PALM2AKAP2: variants seen among roughly 807,000 people sequenced by gnomAD.
PALM2AKAP2 encodes PALM2 and AKAP2 fusion, also known as PALM2-AKAP2 fusion protein.
A neutral mutation model predicts 71.5 loss-of-function variants in PALM2AKAP2; 37 were observed. That is an observed-to-expected ratio of 0.52 (90% CI 0.40 to 0.68). The LOEUF is 0.68. PALM2AKAP2 is among the 30% of genes least tolerant of loss of function. PALM2AKAP2 has a pLI of 0.00. For missense variants in PALM2AKAP2, 1,224 were observed against 1,191.8 expected (o/e 1.03, Z -0.40); for synonymous variants, 468 against 478.8 (o/e 0.98, Z 0.29).
At chr9:110,027,874 T>C (rs561444913) in intron 7 of PALM2AKAP2, among the ~76,000 whole-genome samples, 158 of 152,316 alleles carry the variant, frequency 1.0e-3, no homozygotes, top group African/African-American at 3.5e-3. Flanking sequence ...CCCTTTGTAT[T>C]TGATGATGAC....
At chr9:109,731,886 G>A (rs1828561332) in intron 1 of PALM2AKAP2, among the ~76,000 whole-genome samples, 1 of 152,168 alleles carries the variant, frequency 6.6e-6, no homozygotes, top group Admixed American at 6.5e-5. Flanking sequence ...GTTTTGGCCT[G>A]AGATGCTTAT....
At chr9:109,932,018 C>G in exon 6 of PALM2AKAP2, 6 of 1,612,766 alleles carry the variant, frequency 3.7e-6, no homozygotes, top group Non-Finnish European at 5.1e-6. Context: ...ACGGGACCAG[C>G]AGAGCGGCTG....
chr9:109,918,990 T>C (rs980154911), intron 3 of PALM2AKAP2, among the ~76,000 whole-genome samples: 1 of 152,228 alleles, frequency 6.6e-6, no homozygotes, highest in Admixed American at 6.5e-5. Context: ...TTGAAACCCA[T>C]AGGGCCAGGG....
At chr9:109,903,570 A>G (rs1184274079) in intron 3 of PALM2AKAP2, among the ~76,000 whole-genome samples, 1 of 152,198 alleles carries the variant, frequency 6.6e-6, no homozygotes, top group Non-Finnish European at 1.5e-5. Context: ...CTTTGAAAAC[A>G]ACAAGGGAAC....
intron 1 of PALM2AKAP2, among the ~76,000 whole-genome samples, chr9:109,712,317 C>T (rs1161947449): frequency 6.6e-6 from 1 of 152,168 alleles, no homozygotes; most frequent in African/African-American, 2.4e-5. Context: ...AGAAGATTAA[C>T]CTCAGAGCTT....
rs564029088 is a variant in PALM2AKAP2, at chr9:110,153,430, A to C, written c.2570-2889A>C. Among the ~76,000 whole-genome samples the C allele has an allele frequency of 2.0e-5, 3 of 152,318 alleles. No individual in the cohort carries two copies. In the South Asian group the frequency reaches 6.2e-4, roughly 32 times the overall value. ...CAAATGACATGAAGCCTACAAAAGA[A>C]GTGGTATATAAATCCGCTTGTTACT... On this transcript the variant is annotated intron_variant, in intron 2 of 3. Transcript: ENST00000374525.
In PALM2AKAP2 at chr9:109,930,472, C is replaced by T. The variant is rs138985079; in HGVS notation, c.395-1455C>T. On this transcript the variant is annotated intron_variant, in intron 5 of 9. Transcript: ENST00000302798. The stretch of plus-strand genomic sequence containing the variant: ...AGCTCCTGACCTCAGGTGATCCACC[C>T]GCCTTGGTCTCCCAAAGTGCTGGGA... Among the ~76,000 whole-genome samples, 712 of 152,288 alleles carry T rather than the reference C, an allele frequency of 4.7e-3. 3 individuals carry two copies. Among genetic ancestry groups the T allele is most frequent in the African/African-American group, 0.016 (673 of 41,558 alleles).
At chr9:110,088,703 G>GTTTTGTTTTTT (rs1834628901) in intron 1 of PALM2AKAP2, among the ~76,000 whole-genome samples, 2 of 75,572 alleles carry the variant, frequency 2.6e-5, no homozygotes, top group Non-Finnish European at 5.5e-5. Flanking sequence ...GCATTTACGT[G>GTTTTGTTTTTT]TTTTTTTTTT....
At chr9:109,899,232 A>G (rs1200389927) in intron 3 of PALM2AKAP2, among the ~76,000 whole-genome samples, 2 of 151,984 alleles carry the variant, frequency 1.3e-5, no homozygotes, top group South Asian at 4.2e-4. Flanking sequence ...TTGATTCTTA[A>G]TCTCATTGAA....
At chr9:109,929,354 A>G (rs1370878456) in intron 5 of PALM2AKAP2, among the ~76,000 whole-genome samples, 1 of 152,006 alleles carries the variant, frequency 6.6e-6, no homozygotes, top group African/African-American at 2.4e-5. Context: ...AAGTTCTACA[A>G]ATCTGCTCTG....
intron 1 of PALM2AKAP2, among the ~76,000 whole-genome samples, chr9:109,659,407 A>AC (rs1827356058): frequency 8.3e-6 from 1 of 120,198 alleles, no homozygotes; most frequent in Non-Finnish European, 1.7e-5. Flanking sequence ...TCCCTTACCC[A>AC]CCCCCTCCCA....
chr9:109,683,623 G>GCC (rs946555980), intron 1 of PALM2AKAP2, among the ~76,000 whole-genome samples: 3 of 152,134 alleles, frequency 2.0e-5, no homozygotes, highest in African/African-American at 7.2e-5. Flanking sequence ...AGTTACAGCA[G>GCC]CCCTAGGAAT....
At chr9:109,818,616 G>A (rs1005344144) in intron 1 of PALM2AKAP2, among the ~76,000 whole-genome samples, 5 of 152,110 alleles carry the variant, frequency 3.3e-5, no homozygotes, top group African/African-American at 4.8e-5. Context: ...CCTCAAAAAT[G>A]CTAAGCCATG....
At chr9:109,662,423 A>G (rs1181880494) in intron 1 of PALM2AKAP2, among the ~76,000 whole-genome samples, 1 of 152,190 alleles carries the variant, frequency 6.6e-6, no homozygotes, top group Non-Finnish European at 1.5e-5. Flanking sequence ...TATTGAGATA[A>G]TCATGTGGTT....
intron 1 of PALM2AKAP2, among the ~76,000 whole-genome samples, chr9:109,770,904 A>C (rs1325666918): frequency 1.3e-5 from 2 of 152,226 alleles, no homozygotes; most frequent in Non-Finnish European, 2.9e-5. Context: ...TTGTCACAAT[A>C]ATCTTATGAA....
chr9:110,026,846 C>G (rs1564267204), intron 7 of PALM2AKAP2, among the ~76,000 whole-genome samples: 1 of 152,122 alleles, frequency 6.6e-6, no homozygotes, highest in African/African-American at 2.4e-5. Flanking sequence ...GAATTCAAGA[C>G]CAGCCTTGCC....
intron 2 of PALM2AKAP2, among the ~76,000 whole-genome samples, chr9:110,144,902 C>T (rs1304214933): frequency 6.6e-6 from 1 of 152,176 alleles, no homozygotes; most frequent in Non-Finnish European, 1.5e-5. Flanking sequence ...TGCCCAAGGT[C>T]ACTCAGCTTG....
At chr9:109,871,929 G>A (rs1181842817) in intron 2 of PALM2AKAP2, among the ~76,000 whole-genome samples, 1 of 152,098 alleles carries the variant, frequency 6.6e-6, no homozygotes, top group Non-Finnish European at 1.5e-5. Flanking sequence ...TTACAGACGA[G>A]GTATGCAGTA....
At chr9:109,867,199 TG>T (rs1168823052) in intron 1 of PALM2AKAP2, 1 of 427,366 alleles carries the variant, frequency 2.3e-6, no homozygotes, top group Non-Finnish European at 4.6e-6. Context: ...TGTGTGTGTG[TG>T]TGTGTCTGTG....
Sources: gnomAD v4.1 joint callset for allele counts (sites outside exome capture counted in the v4.1 genomes callset) on GRCh38, gnomAD v4.1.1 for gene constraint, MANE v1.5 for transcripts, NCBI Gene and HGNC (gene_info 2026-07-23, HGNC 2026-07-21) for gene names.